The following IL17RD variants were observed in gnomAD, a reference collection of about 807,000 sequenced individuals.
The protein encoded by IL17RD is interleukin-17 receptor D.
In IL17RD, 52 loss-of-function variants were observed where a neutral mutation model predicts 80.5. That is an observed-to-expected ratio of 0.65 (90% CI 0.52 to 0.81). The LOEUF (loss-of-function observed/expected upper bound fraction) is 0.81, where lower values mean the gene tolerates loss of function less well. Among genes scored for constraint, IL17RD ranks in the 40% least tolerant of loss-of-function variants. The pLI is 0.00. For missense variants in IL17RD, 1,024 were observed against 955.1 expected, an observed-to-expected ratio of 1.07 and a Z score of -0.95; for synonymous variants, 416 against 391.8, an observed-to-expected ratio of 1.06 and a Z score of -0.73.
At position 57,109,780 on chromosome 3, in the gene IL17RD, C is replaced by T. The variant is rs377496971; in HGVS notation, c.430-123G>A. 319 of 981,034 alleles carry T rather than the reference C, an allele frequency of 3.3e-4. 3 individuals are homozygous for T. The East Asian group carries it at 5.9e-3, about 18-fold the overall frequency. The allele number at this position is 981,034 out of a possible 1,614,324, so 60.8% of individuals were successfully genotyped here. A position where few individuals can be genotyped will look rare whatever the true frequency, so the allele number is the denominator to read the frequency against. The stretch of plus-strand genomic sequence containing the variant: ...AACTCCAGAGCTGCAGGACATGTTC[C>T]AGGGAAGCAGGAAGTCAGGTCTAGT... On this transcript the variant is annotated intron_variant, in intron 4 of 12. Coordinates refer to ENST00000296318, the MANE Select transcript of IL17RD (RefSeq NM_017563.5).
intron 10 of IL17RD, 52 bp downstream of exon 10, chr3:57,102,427 C>CA (rs927853053): frequency 1.0e-6 from 1 of 995,930 alleles, no homozygotes; most frequent in African/African-American, 1.6e-5. Flanking sequence ...CTCTTGGCAG[C>CA]ACCCCCTGGC....
intron 7 of IL17RD, among the ~76,000 whole-genome samples, chr3:57,104,795 T>G (rs766326384): frequency 2.6e-5 from 4 of 152,174 alleles, no homozygotes; most frequent in Non-Finnish European, 5.9e-5. Context: ...AAGACCTTGA[T>G]AGAGATGAGA....
intron 2 of IL17RD, 61 bp from the exon 3 acceptor site, chr3:57,114,878 A>C: frequency 7.2e-7 from 1 of 1,391,808 alleles, no homozygotes; most frequent in Non-Finnish European, 9.7e-7. Context: ...TTTCAGGTTC[A>C]TCTTATCAAA....
Position 57,094,179 on chromosome 3 carries a change from C to T in IL17RD, c.*2214G>A, listed in dbSNP as rs1706619156. 6.6e-6 allele frequency: 1 copy of T among 152,148 alleles called. No individual in the cohort carries two copies. Among genetic ancestry groups the T allele is most frequent in the Non-Finnish European group, 1.5e-5 (1 of 68,014 alleles). The allele number at this position is 152,148 out of a possible 1,614,324, so 9.4% of individuals were successfully genotyped here. A position where few individuals can be genotyped will look rare whatever the true frequency, so the allele number is the denominator to read the frequency against. ...AGATGTTTTGCCGTAATCTGCAGGG[C>T]AACGATTCCCATTTCTAGCATACTG... On this transcript the variant is annotated 3_prime_UTR_variant, in exon 13 of 13. Coordinates refer to ENST00000296318, the MANE Select transcript of IL17RD (RefSeq NM_017563.5).
At chr3:57,156,105 C>A (rs1192157355) in intron 1 of IL17RD, among the ~76,000 whole-genome samples, 2 of 152,158 alleles carry the variant, frequency 1.3e-5, no homozygotes, top group African/African-American at 4.8e-5. Flanking sequence ...AAAGACCCCA[C>A]CCACATGGAG....
chr3:57,147,452 G>C (rs1470869558), intron 1 of IL17RD, among the ~76,000 whole-genome samples: 1 of 152,160 alleles, frequency 6.6e-6, no homozygotes, highest in African/African-American at 2.4e-5. Flanking sequence ...AACTGGTTCA[G>C]TCATTATACA....
chr3:57,113,656 G>A (rs894854637), intron 3 of IL17RD, among the ~76,000 whole-genome samples: 1 of 152,052 alleles, frequency 6.6e-6, no homozygotes, highest in South Asian at 2.1e-4. Flanking sequence ...CTCCTGCCTC[G>A]GCCGTCCAAG....
Position 57,091,434 on chromosome 3 carries a change from G to C in IL17RD, c.*4959C>G, listed in dbSNP as rs1485414481. Reference sequence around the variant, plus strand: ...TATTTTTAAGTGGTAAGAGGAGCTGGGTGTGCAAGAATTTCCCCATAATCC... The same window carrying C: ...TATTTTTAAGTGGTAAGAGGAGCTGCGTGTGCAAGAATTTCCCCATAATCC... On this transcript the variant is annotated 3_prime_UTR_variant, in exon 13 of 13. Transcript: ENST00000296318. 6.6e-6 allele frequency: 1 copy of C among 152,534 alleles called. No homozygotes were observed. Among genetic ancestry groups the C allele is most frequent in the African/African-American group, 2.4e-5 (1 of 41,416 alleles). 9.4% of individuals were successfully genotyped at this position (152,534 alleles called of 1,614,324 possible).
At chr3:57,134,513 G>A (rs573966356) in intron 1 of IL17RD, 230 of 1,290,806 alleles carry the variant, frequency 1.8e-4, no homozygotes, top group Admixed American at 2.9e-4. Context: ...TGTACCTGAA[G>A]GTGAAGGGGA....
At chr3:57,111,330 T>A (rs1307966945) in intron 3 of IL17RD, among the ~76,000 whole-genome samples, 3 of 152,204 alleles carry the variant, frequency 2.0e-5, no homozygotes, top group Non-Finnish European at 4.4e-5. Flanking sequence ...TCTTGGTGAG[T>A]AGGGAAGAGG....
chr3:57,121,760 G>A (rs1707344856), intron 1 of IL17RD, among the ~76,000 whole-genome samples: 1 of 152,164 alleles, frequency 6.6e-6, no homozygotes, highest in African/African-American at 2.4e-5. Flanking sequence ...TGCTCAACCT[G>A]CAGATGGCAG....
Position 57,124,991 on chromosome 3 carries a change from A to G in IL17RD, c.127-4678T>C, listed in dbSNP as rs79926630. Among the ~76,000 whole-genome samples the G allele has an allele frequency of 4.0e-3, 604 of 152,246 alleles. 2 individuals are homozygous for G. The highest frequency in any genetic ancestry group is 0.014 in the African/African-American group (565 of 41,536). Reference sequence around the variant, plus strand: ...GCTTCTGTGGGCTGACCTGGGGCTGACCCCCAGAAGTAGAAAAGTGGTTAA... The same window carrying G: ...GCTTCTGTGGGCTGACCTGGGGCTGGCCCCCAGAAGTAGAAAAGTGGTTAA... On this transcript the variant is annotated intron_variant, in intron 1 of 12. Coordinates refer to ENST00000296318, the MANE Select transcript of IL17RD (RefSeq NM_017563.5).
chr3:57,143,056 G>A (rs1165848481), intron 1 of IL17RD, among the ~76,000 whole-genome samples: 3 of 152,268 alleles, frequency 2.0e-5, no homozygotes, highest in African/African-American at 7.2e-5. Flanking sequence ...CATATATTAT[G>A]AATAAAAAGA....
chr3:57,138,939 CAAAAAAAAAAA>C (rs1026336884), intron 1 of IL17RD, among the ~76,000 whole-genome samples: 5 of 40,492 alleles, frequency 1.2e-4, no homozygotes, highest in South Asian at 9.1e-4. Flanking sequence ...AACTCCATCT[CAAAAAAAAAAA>C]AAAAAAAAAA....
chr3:57,119,653 GTTTC>G (rs879278242), intron 2 of IL17RD, among the ~76,000 whole-genome samples: 100,247 of 151,750 alleles, frequency 0.66, 34,366 homozygotes, highest in Non-Finnish European at 0.74. Flanking sequence ...CTGGAACCCA[GTTTC>G]ACACAGATTC....
chr3:57,110,462 A>C (rs995155447), intron 3 of IL17RD, among the ~76,000 whole-genome samples, 151 bp from the exon 4 acceptor site: 2 of 152,202 alleles, frequency 1.3e-5, no homozygotes, highest in African/African-American at 4.8e-5. Context: ...AGAATGGAAA[A>C]AACACACCCC....
Position 57,096,337 on chromosome 3 carries a change from G to C in IL17RD, c.*56C>G, listed in dbSNP as rs1337417713. On this transcript the variant is annotated 3_prime_UTR_variant, in exon 13 of 13. Coordinates refer to ENST00000296318, the MANE Select transcript of IL17RD (RefSeq NM_017563.5). ...GGCCATGCAACCAGGGAGATGAGCT[G>C]GGGAATCAGAGGGAGGCAGCAGCTA... 26 of 1,163,260 alleles carry C rather than the reference G, an allele frequency of 2.2e-5. No individual in the cohort carries two copies. The highest frequency in any genetic ancestry group is 3.4e-5 in the Non-Finnish European group (26 of 768,128). 72.1% of individuals were successfully genotyped at this position (1,163,260 alleles called of 1,614,324 possible).
upstream of IL17RD, among the ~76,000 whole-genome samples, chr3:57,167,933 C>A (rs1412520408): frequency 6.6e-6 from 1 of 152,108 alleles, no homozygotes; most frequent in South Asian, 2.1e-4. Context: ...CAGGTTCAAG[C>A]GATTCTCCTG....
chr3:57,112,025 G>T (rs1707110942), intron 3 of IL17RD, among the ~76,000 whole-genome samples: 1 of 151,932 alleles, frequency 6.6e-6, no homozygotes, highest in Non-Finnish European at 1.5e-5. Context: ...GGTGGTTCTT[G>T]TTCTTATTTT....
Sources: allele counts gnomAD v4.1 joint callset (sites outside exome capture counted in the v4.1 genomes callset), GRCh38; gene constraint gnomAD v4.1.1; transcripts MANE v1.5; gene names NCBI Gene and HGNC (gene_info 2026-07-23, HGNC 2026-07-21).